DNAH10: variants seen among roughly 807,000 people sequenced by gnomAD.
DNAH10 encodes axonemal beta dynein heavy chain 10.
A neutral mutation model predicts 506.6 loss-of-function variants in DNAH10; 348 were observed. The observed-to-expected ratio is 0.69, with a 90% CI of 0.63 to 0.75. The LOEUF is 0.75. DNAH10 is among the 30% of genes least tolerant of loss of function. The pLI is 0.00. For missense variants in DNAH10, 5,179 were observed against 5,787.1 expected (o/e 0.89, Z 3.41); for synonymous variants, 2,059 against 2,198.6 (o/e 0.94, Z 1.78).
chr12:123,808,895 C>G lies in DNAH10; in HGVS notation c.3086C>G (p.Thr1029Arg). Residue 1029 changes from threonine to arginine, a missense_variant, in exon 19 of 79, where the codon ACA (threonine) becomes AGA (arginine). Physicochemically the swap from Thr to Arg is moderately conservative, Grantham distance 71. Around this residue, in one of 3 missense-constraint regions of DNAH10, gnomAD observed 4,844 missense variants for 5,430.5 expected, o/e 0.89. Coordinates refer to ENST00000673944, the MANE Select transcript of DNAH10 (RefSeq NM_001372106.1). ...CCTGAGATCATCCTTCATCCCAACA[C>G]AAATGAGATCGACAAGATGTGCTTC... ...TAPEIILHPNTNEIDKMCFHC... is the reference protein window; with the variant it reads ...TAPEIILHPNRNEIDKMCFHC... 2 of 1,614,198 alleles carry G rather than the reference C, an allele frequency of 1.2e-6. No individual in the cohort carries two copies. Among genetic ancestry groups the G allele is most frequent in the Non-Finnish European group, 1.7e-6 (2 of 1,180,034 alleles).
At chr12:123,800,693 A>G (rs938642525) in intron 15 of DNAH10, among the ~76,000 whole-genome samples, 6 of 151,818 alleles carry the variant, frequency 4.0e-5, no homozygotes, top group African/African-American at 1.5e-4. Flanking sequence ...AAAAAAAAAA[A>G]AAGAAGAAAA....
At chr12:123,783,077 A>G (rs757679435) in intron 6 of DNAH10, 30 bp from the exon 7 acceptor site, 44 of 1,610,660 alleles carry the variant, frequency 2.7e-5, no homozygotes, top group Non-Finnish European at 1.7e-6. Context: ...TCCTGAACGA[A>G]TGACTGACTG....
intron 19 of DNAH10, 93 bp downstream of exon 19, chr12:123,809,046 C>T: frequency 6.9e-7 from 1 of 1,443,950 alleles, no homozygotes; most frequent in Non-Finnish European, 9.5e-7. Flanking sequence ...GAGCCACTGC[C>T]CAAGGTGGAA....
intron 24 of DNAH10, among the ~76,000 whole-genome samples, chr12:123,822,467 T>C (rs1320534567): frequency 6.6e-6 from 1 of 152,214 alleles, no homozygotes; most frequent in African/African-American, 2.4e-5. Flanking sequence ...TGTGTATCTA[T>C]ATCTATATCT....
rs58292766 is a variant in DNAH10, at chr12:123,838,482, C to T, written c.4929C>T (p.Pro1643=). 103 of 1,613,716 alleles carry T rather than the reference C, an allele frequency of 6.4e-5. No homozygotes were observed. The Middle Eastern group carries it at 6.6e-4, about 10-fold the overall frequency. The change falls in exon 29 of 79, where the codon CCC becomes CCT. Residue 1643 remains proline (P), a synonymous_variant. Transcript: ENST00000673944. ...TCATGGGTGAGACCTTAAAAGACCC[C>T]GTGATCAAGAGGTGCTGTGAAGCCC... ...KRIMGETLKD[P]VIKRCCEAPN...
At position 123,891,260 on chromosome 12, in the gene DNAH10, C is replaced by A. The variant is rs141918916; in HGVS notation, c.8996-1973C>A. Among the ~76,000 whole-genome samples the A allele has an allele frequency of 2.6e-5, 4 of 152,280 alleles. No individual in the cohort carries two copies. The East Asian group carries it at 7.7e-4, about 29-fold the overall frequency. On this transcript the variant is annotated intron_variant, in intron 52 of 78. Transcript: ENST00000673944. ...CAAATTTCCCTCCTTTATAAGGGTA[C>A]CTGTCATATTGCATTAGGGCCCATC...
Position 123,783,933 on chromosome 12 carries a change from A to G in DNAH10, c.1000-14A>G. On this transcript the variant is annotated splice_polypyrimidine_tract_variant and intron_variant, in intron 7 of 78. Transcript: ENST00000673944. The stretch of plus-strand genomic sequence containing the variant: ...AATAATGAGAGTTCTTTGTGTGTTC[A>G]TTTCACCTCTCAGGGTAAAGGCCCT... 6.2e-7 allele frequency: 1 copy of G among 1,611,342 alleles called. No homozygotes were observed. The highest frequency in any genetic ancestry group is 8.5e-7 in the Non-Finnish European group (1 of 1,177,586).
At chr12:123,891,053 G>A (rs1477546197) in intron 52 of DNAH10, among the ~76,000 whole-genome samples, 1 of 152,138 alleles carries the variant, frequency 6.6e-6, no homozygotes, top group East Asian at 1.9e-4. Flanking sequence ...CAGTTCTGGA[G>A]GCCAGGAGCC....
At position 123,925,367 on chromosome 12, in the gene DNAH10, T is replaced by G. The variant is rs1442419952; in HGVS notation, c.11921+163T>G. ...GCCGATATTCTAGAATTCTTCAATA[T>G]TCTAGAACAGTGCTAGTCATAAGAA... is the stretch of plus-strand genomic sequence containing the variant. On this transcript the variant is annotated intron_variant, in intron 68 of 78. Transcript: ENST00000673944. This position sits in a 1 kb window ranked among gnomAD's most constrained non-coding sequence, Gnocchi z 4.0. 1.0e-6 allele frequency: 1 copy of G among 980,594 alleles called. No homozygotes were observed. The highest frequency in any genetic ancestry group is 2.6e-5 in the East Asian group (1 of 37,938). The allele number at this position is 980,594 out of a possible 1,614,324, so 60.7% of individuals were successfully genotyped here.
intron 50 of DNAH10, among the ~76,000 whole-genome samples, chr12:123,880,966 C>A (rs1157636157): frequency 6.6e-6 from 1 of 152,048 alleles, no homozygotes; most frequent in African/African-American, 2.4e-5. Context: ...CATGTCCCTA[C>A]AAAGGACATG....
At chr12:123,809,413 AG>A (rs1379299130) in intron 19 of DNAH10, among the ~76,000 whole-genome samples, 1 of 152,126 alleles carries the variant, frequency 6.6e-6, no homozygotes, top group Non-Finnish European at 1.5e-5. Context: ...TGGGAGGCTG[AG>A]GTGGGAGGAT....
chr12:123,799,453 C>A, intron 14 of DNAH10, 82 bp downstream of exon 14: 1 of 1,503,474 alleles, frequency 6.7e-7, no homozygotes, highest in Non-Finnish European at 9.0e-7. Context: ...GATTTGTTGA[C>A]ATTCATGAAG....
Position 123,931,906 on chromosome 12 carries a change from T to G in DNAH10, c.13129-35T>G, listed in dbSNP as rs763963337. 3 of 1,613,168 alleles carry G rather than the reference T, an allele frequency of 1.9e-6. No homozygotes were observed. In the South Asian group the frequency reaches 3.3e-5, roughly 18 times the overall value. ...AGATACGTGGCACCTGGGGTTCTGA[T>G]AGAGTCCTGCCCGATTGCTCTTGAT... On this transcript the variant is annotated intron_variant, in intron 75 of 78. Coordinates refer to ENST00000673944, the MANE Select transcript of DNAH10 (RefSeq NM_001372106.1).
In DNAH10 at chr12:123,913,516, T is replaced by C. The variant is rs1012109754; in HGVS notation, c.10352+201T>C. Among the ~76,000 whole-genome samples the C allele has an allele frequency of 1.1e-4, 16 of 151,426 alleles. No homozygotes were observed. The highest frequency in any genetic ancestry group is 3.7e-4 in the African/African-American group (15 of 40,690). ...GTTTGTATTAGGCACTGAGTGTTAT[T>C]TATTAATTACTAAGGGTCAAGGAGG... On this transcript the variant is annotated intron_variant, in intron 60 of 78. Coordinates refer to ENST00000673944, the MANE Select transcript of DNAH10 (RefSeq NM_001372106.1). The surrounding 1 kb of genome is among the most constrained non-coding windows in gnomAD (Gnocchi z 5.1).
In DNAH10 at chr12:123,931,481, T is replaced by TACTCAGGAGGAC; in HGVS notation, c.12916+10_12916+21dup. 1 of 1,613,048 alleles carries TACTCAGGAGGAC rather than the reference T, an allele frequency of 6.2e-7. No homozygotes were observed. The highest frequency in any genetic ancestry group is 8.5e-7 in the Non-Finnish European group (1 of 1,179,428). ...GCTGCAGCCTCAGACAGGTAAACTC[T>TACTCAGGAGGAC]ACTCAGGAGGACTTCATTAGTTTGA... is the stretch of plus-strand genomic sequence containing the variant. On this transcript the variant is annotated intron_variant, in intron 74 of 78. Coordinates refer to ENST00000673944, the MANE Select transcript of DNAH10 (RefSeq NM_001372106.1).
At chr12:123,768,441 T>C (rs983398156) in intron 2 of DNAH10, among the ~76,000 whole-genome samples, 1 of 152,084 alleles carries the variant, frequency 6.6e-6, no homozygotes, top group Non-Finnish European at 1.5e-5. Context: ...GGCCGTCCTC[T>C]CTCCCTCTTA....
intron 39 of DNAH10, among the ~76,000 whole-genome samples, chr12:123,863,790 T>A (rs1951695672): frequency 1.3e-5 from 2 of 152,248 alleles, no homozygotes; most frequent in Non-Finnish European, 2.9e-5. Context: ...GGTGAACACA[T>A]CTTTTGGTGG....
intron 69 of DNAH10, chr12:123,927,069 G>T (rs941465516): frequency 8.1e-6 from 4 of 494,410 alleles, no homozygotes; most frequent in Non-Finnish European, 1.1e-5. Context: ...TTGAGACAGG[G>T]TCTCACTCTG....
At position 123,857,099 on chromosome 12, in the gene DNAH10, A is replaced by G. The variant is rs370545819; in HGVS notation, c.6482A>G (p.Lys2161Arg). The change falls in exon 37 of 79, where the codon AAA becomes AGA. Residue 2161 changes from lysine (K) to arginine (R), a missense_variant. Coordinates refer to ENST00000673944, the MANE Select transcript of DNAH10 (RefSeq NM_001372106.1). The part of the protein sequence containing the change: ...MRALRDMNLP[K>R]FVFEDVPLFL... Reference sequence around the variant, plus strand: ...GCCTTGCGAGACATGAACTTGCCCAAATTTGTGTTTGAAGATGTTCCTCTT... The same window carrying G: ...GCCTTGCGAGACATGAACTTGCCCAGATTTGTGTTTGAAGATGTTCCTCTT... The G allele has an allele frequency of 2.1e-5, 34 of 1,613,038 alleles. No homozygotes were observed. The African/African-American group carries it at 4.1e-4, about 20-fold the overall frequency.
Sources: allele counts gnomAD v4.1 joint callset (sites outside exome capture counted in the v4.1 genomes callset), GRCh38; gene constraint gnomAD v4.1.1; regional missense constraint gnomAD v4.1.1; non-coding constraint Gnocchi (gnomAD v3.1); transcripts MANE v1.5; gene names NCBI Gene and HGNC (gene_info 2026-07-23, HGNC 2026-07-21).